The following TACC3 variants were observed in gnomAD, a reference collection of about 807,000 sequenced individuals.
The protein encoded by TACC3 is transforming acidic coiled-coil containing protein 3, also known as transforming acidic coiled-coil-containing protein 3.
In TACC3, 52 loss-of-function variants were observed where a neutral mutation model predicts 86.0. The observed-to-expected ratio is 0.60, with a 90% CI of 0.48 to 0.76. The LOEUF (loss-of-function observed/expected upper bound fraction) is 0.76, where lower values mean the gene tolerates loss of function less well. Among genes scored for constraint, TACC3 ranks in the 30% least tolerant of loss-of-function variants. TACC3 has a pLI of 0.00. For synonymous variants in TACC3, 512 were observed against 430.0 expected, an observed-to-expected ratio of 1.19 and a Z score of -2.36; for missense variants, 1,120 against 1,070.4, an observed-to-expected ratio of 1.05 and a Z score of -0.65.
At position 1,732,480 on chromosome 4, in the gene TACC3, C is replaced by T. The variant is rs1017790745; in HGVS notation, c.1591+1179C>T. Reference sequence around the variant, plus strand: ...TTGTCCGTAAGATTGGAAGGTGGAACGGTCCTTAAATTAAAGTGCATTTGG... The same window carrying T: ...TTGTCCGTAAGATTGGAAGGTGGAATGGTCCTTAAATTAAAGTGCATTTGG... On this transcript the variant is annotated intron_variant, in intron 6 of 15. Transcript: ENST00000313288. Among the ~76,000 whole-genome samples, 11 of 151,134 alleles carry T rather than the reference C, an allele frequency of 7.3e-5. 1 individual carries two copies. The highest frequency in any genetic ancestry group is 2.7e-4 in the African/African-American group (11 of 41,062).
intron 13 of TACC3, among the ~76,000 whole-genome samples, chr4:1,742,798 C>A (rs542936852): frequency 1.7e-4 from 23 of 133,214 alleles, no homozygotes; most frequent in Admixed American, 3.7e-4. Flanking sequence ...GACTCCATCT[C>A]AAAAAAAAAA....
At chr4:1,738,770 C>T (rs1560319290) in intron 10 of TACC3, among the ~76,000 whole-genome samples, 1 of 152,086 alleles carries the variant, frequency 6.6e-6, no homozygotes, top group South Asian at 2.1e-4. Flanking sequence ...AAGCCAATTC[C>T]AATTGGCTAT....
intron 15 of TACC3, 26 bp from the exon 16 acceptor site, chr4:1,744,922 C>T (rs749100827): frequency 4.9e-5 from 79 of 1,611,434 alleles, no homozygotes; most frequent in Non-Finnish European, 6.7e-5. Flanking sequence ...CAGGGAGAAG[C>T]CCCGCAACTC....
rs531397597 is a variant in TACC3 at position 1,728,877 on chromosome 4, G to C, written c.1385+90G>C. The stretch of plus-strand genomic sequence containing the variant: ...GGACCCGAGGCCAGAAGTGTCATCA[G>C]ATACTCCTTTGAGGCCGGGTAGGTT... On this transcript the variant is annotated intron_variant, in intron 4 of 15. Coordinates refer to ENST00000313288, the MANE Select transcript of TACC3 (RefSeq NM_006342.3). 7 of 1,334,296 alleles carry C rather than the reference G, an allele frequency of 5.2e-6. No individual in the cohort carries two copies. The South Asian group carries it at 1.0e-4, about 19-fold the overall frequency. The allele number at this position is 1,334,296 out of a possible 1,614,324, so 82.7% of individuals were successfully genotyped here.
At chr4:1,730,597 G>A in intron 4 of TACC3, 1 of 570,358 alleles carries the variant, frequency 1.8e-6, no homozygotes. Context: ...TAAAAGGGAT[G>A]TACTCATCCT....
rs1327734341 is a variant in TACC3 at position 1,735,212 on chromosome 4, G to GC, written c.1592-58dup. On this transcript the variant is annotated intron_variant, in intron 6 of 15. Coordinates refer to ENST00000313288, the MANE Select transcript of TACC3 (RefSeq NM_006342.3). This position sits in a 1 kb window ranked among gnomAD's most constrained non-coding sequence, Gnocchi z 4.2. ...TCACTGAGTGCTGAGGGAGACACCA[G>GC]CCCGCCGCCCTTAGGGCCCTGGTGA... 12 of 1,604,110 alleles carry GC rather than the reference G, an allele frequency of 7.5e-6. No homozygotes were observed. The highest frequency in any genetic ancestry group is 1.0e-5 in the Non-Finnish European group (12 of 1,172,404).
At chr4:1,720,972 C>A, upstream of TACC3, 1 of 405,098 alleles carries the variant, frequency 2.5e-6, no homozygotes, top group Non-Finnish European at 4.2e-6. The surrounding 1 kb of genome is among the most constrained non-coding windows in gnomAD (Gnocchi z 4.4). Context: ...GACATGGAGT[C>A]CCGCCGCCCG....
At chr4:1,730,187 C>T (rs1008456943) in intron 4 of TACC3, among the ~76,000 whole-genome samples, 15 of 152,166 alleles carry the variant, frequency 9.9e-5, no homozygotes, top group East Asian at 3.9e-4. Flanking sequence ...TGCAGGCACC[C>T]GCCACCATGC....
chr4:1,727,672 C>A lies in TACC3; in HGVS notation c.306-36C>A, dbSNP rs774301957. 5.8e-6 allele frequency: 9 copies of A among 1,542,024 alleles called. 1 individual carries two copies. In the South Asian group the frequency reaches 1.0e-4, roughly 17 times the overall value. On this transcript the variant is annotated intron_variant, in intron 3 of 15. Coordinates refer to ENST00000313288, the MANE Select transcript of TACC3 (RefSeq NM_006342.3). ...CTGAGGCCCCTAACCTCACCAGGTA[C>A]TCGCTGCTTCACGTTGATTAAGTCT...
intron 3 of TACC3, among the ~76,000 whole-genome samples, chr4:1,725,022 C>T (rs1337613619): frequency 4.0e-5 from 6 of 151,096 alleles, no homozygotes; most frequent in Non-Finnish European, 8.8e-5. Context: ...ACCTCCGCCT[C>T]CCAGGTTCAA....
At chr4:1,726,006 G>T (rs1305336787) in intron 3 of TACC3, among the ~76,000 whole-genome samples, 1 of 152,210 alleles carries the variant, frequency 6.6e-6, no homozygotes, top group Non-Finnish European at 1.5e-5. Flanking sequence ...AGGTGACATG[G>T]GCCCCTTATC....
chr4:1,731,924 G>A (rs969133081), intron 6 of TACC3, among the ~76,000 whole-genome samples: 3 of 152,266 alleles, frequency 2.0e-5, no homozygotes, highest in Non-Finnish European at 2.9e-5. Flanking sequence ...GTGAGCCCCC[G>A]CGCCCGGCCC....
chr4:1,728,163 C>T lies in TACC3; in HGVS notation c.761C>T (p.Ala254Val), dbSNP rs774676281. The change falls in exon 4 of 16, where the codon GCA becomes GTA. Residue 254 changes from alanine (A) to valine (V), a missense_variant. Transcript: ENST00000313288. Reference sequence around the variant, plus strand: ...GCAGTGGCCACTTCGCCTCCTGGTGCAATCCCTAAGGAAGCCTGCGGAGGA... The same window carrying T: ...GCAGTGGCCACTTCGCCTCCTGGTGTAATCCCTAAGGAAGCCTGCGGAGGA... ...PAAVATSPPG[A>V]IPKEACGGAP... The T allele has an allele frequency of 1.2e-6, 2 of 1,611,616 alleles. No individual in the cohort carries two copies. The highest frequency in any genetic ancestry group is 1.7e-6 in the Non-Finnish European group (2 of 1,179,446).
intron 8 of TACC3, among the ~76,000 whole-genome samples, chr4:1,736,721 C>G (rs1360148521): frequency 6.6e-6 from 1 of 152,012 alleles, no homozygotes; most frequent in Non-Finnish European, 1.5e-5. Context: ...CCAGCCTGGC[C>G]AACATAGTGA....
chr4:1,734,210 C>T (rs111986250), intron 6 of TACC3, among the ~76,000 whole-genome samples: 4,417 of 152,118 alleles, frequency 0.029, 100 homozygotes, highest in South Asian at 0.065. Flanking sequence ...TTTCCCGAGA[C>T]GGAGTCTTGC....
At chr4:1,721,448 C>A (rs1042365813), upstream of TACC3, 1 of 152,158 alleles carries the variant, frequency 6.6e-6, no homozygotes, top group Admixed American at 6.5e-5. Flanking sequence ...TGCGGTCCTG[C>A]CCCCGGCCGC....
chr4:1,744,526 G>A lies in TACC3; in HGVS notation c.2232G>A (p.Glu744=). 1.9e-6 allele frequency: 3 copies of A among 1,612,934 alleles called. No homozygotes were observed. Among genetic ancestry groups the A allele is most frequent in the Middle Eastern group, 3.3e-4 (2 of 6,054 alleles). ...EVIEGYRKNE[E]SLKKCVEDYL... ...TGCCTGCCCCTTCCTAGAACGAAGA[G>A]TCACTGAAGAAGTGCGTGGAGGATT... Residue 744 remains glutamate (E), a synonymous_variant, in exon 14 of 16, where the codon GAG becomes GAA. Coordinates refer to ENST00000313288, the MANE Select transcript of TACC3 (RefSeq NM_006342.3).
At chr4:1,743,223 T>C (rs934365798) in intron 13 of TACC3, among the ~76,000 whole-genome samples, 40 of 131,262 alleles carry the variant, frequency 3.0e-4, no homozygotes, top group Non-Finnish European at 4.2e-4. Flanking sequence ...GCCATCACAC[T>C]ATGGCCTGGC....
intron 13 of TACC3, among the ~76,000 whole-genome samples, chr4:1,743,619 T>G (rs1195314487): frequency 6.6e-6 from 1 of 151,442 alleles, no homozygotes; most frequent in Admixed American, 6.6e-5. Flanking sequence ...GTTAACAACA[T>G]TAACAATTCA....
Sources: gnomAD v4.1 joint callset for allele counts (sites outside exome capture counted in the v4.1 genomes callset) on GRCh38, gnomAD v4.1.1 for gene constraint, Gnocchi (gnomAD v3.1) non-coding constraint, MANE v1.5 for transcripts, NCBI Gene and HGNC (gene_info 2026-07-23, HGNC 2026-07-21) for gene names.